The following IL7 variants were observed in gnomAD, a reference collection of about 807,000 sequenced individuals.
IL7 encodes interleukin-7.
In IL7, 3 loss-of-function variants were observed where a neutral mutation model predicts 21.6. The observed-to-expected ratio is 0.14, with a 90% CI of 0.06 to 0.36. The LOEUF (loss-of-function observed/expected upper bound fraction) is 0.36, where lower values mean the gene tolerates loss of function less well. Among genes scored for constraint, IL7 ranks in the 10% least tolerant of loss-of-function variants. The probability of loss-of-function intolerance (pLI) is 1.00; values close to 1 mark genes in which losing one functional copy is unlikely to be tolerated. For synonymous variants in IL7, 62 were observed against 68.1 expected, an observed-to-expected ratio of 0.91 and a Z score of 0.44; for missense variants, 175 against 200.2, an observed-to-expected ratio of 0.87 and a Z score of 0.76.
intron 3 of IL7, among the ~76,000 whole-genome samples, chr8:78,699,229 T>C (rs1810524193): frequency 6.6e-6 from 1 of 152,166 alleles, no homozygotes; most frequent in South Asian, 2.1e-4. Flanking sequence ...TCTACTGTTA[T>C]ATTTACATGG....
intron 2 of IL7, among the ~76,000 whole-genome samples, chr8:78,753,133 T>C (rs1812230564): frequency 6.6e-6 from 1 of 152,202 alleles, no homozygotes; most frequent in Non-Finnish European, 1.5e-5. Context: ...GTATTTATAG[T>C]TCTAGATCCT....
chr8:78,698,770 A>G (rs1187020583), intron 3 of IL7, among the ~76,000 whole-genome samples: 2 of 152,190 alleles, frequency 1.3e-5, no homozygotes, highest in African/African-American at 4.8e-5. Flanking sequence ...ATTTAGTCTA[A>G]GGAAATAATT....
intron 2 of IL7, among the ~76,000 whole-genome samples, chr8:78,772,440 A>T (rs1297256673): frequency 1.3e-5 from 2 of 152,190 alleles, no homozygotes; most frequent in African/African-American, 4.8e-5. Flanking sequence ...CATAAAATAT[A>T]GAATGATACC....
intron 2 of IL7, among the ~76,000 whole-genome samples, chr8:78,785,298 G>C (rs1813471705): frequency 6.6e-6 from 1 of 151,886 alleles, no homozygotes; most frequent in African/African-American, 2.4e-5. Flanking sequence ...AATTTTCTTT[G>C]GTAGGAACAA....
intron 3 of IL7, among the ~76,000 whole-genome samples, chr8:78,712,564 A>G (rs909481607): frequency 6.6e-6 from 1 of 152,178 alleles, no homozygotes; most frequent in Non-Finnish European, 1.5e-5. Context: ...TTTCAATCCA[A>G]GGGTCCTTAG....
chr8:78,686,590 C>T, intron 3 of IL7: 1 of 1,524,932 alleles, frequency 6.6e-7, no homozygotes, highest in Non-Finnish European at 8.8e-7. Context: ...TCCTCCTCCT[C>T]CACCTTCTTA....
At chr8:78,735,577 G>C (rs1811564889) in intron 5 of IL7, among the ~76,000 whole-genome samples, 1 of 151,840 alleles carries the variant, frequency 6.6e-6, no homozygotes, top group South Asian at 2.1e-4. Flanking sequence ...CAAAGTGCTG[G>C]GATTACAGGC....
chr8:78,803,795 G>A (rs1814179186), intron 1 of IL7, among the ~76,000 whole-genome samples: 1 of 152,144 alleles, frequency 6.6e-6, no homozygotes, highest in African/African-American at 2.4e-5. Context: ...TTCCTTAGAA[G>A]TCCTCCATAA....
chr8:78,714,589 C>A (rs1006443328), downstream of IL7, among the ~76,000 whole-genome samples: 5 of 152,104 alleles, frequency 3.3e-5, no homozygotes, highest in Non-Finnish European at 7.4e-5. Flanking sequence ...GTTATATCAT[C>A]ATCATTTAGT....
At chr8:78,740,730 TA>T (rs757140859) in intron 2 of IL7, among the ~76,000 whole-genome samples, 6 of 152,210 alleles carry the variant, frequency 3.9e-5, no homozygotes, top group Non-Finnish European at 8.8e-5. Flanking sequence ...CAGTGAGAAT[TA>T]AGGTTGAAAT....
chr8:78,696,707 G>A (rs1810428510), intron 3 of IL7, among the ~76,000 whole-genome samples: 1 of 152,184 alleles, frequency 6.6e-6, no homozygotes, highest in Non-Finnish European at 1.5e-5. Context: ...GGATCGTGAA[G>A]CCAGAATTAG....
intron 2 of IL7, among the ~76,000 whole-genome samples, chr8:78,781,543 C>T (rs557641992): frequency 6.6e-6 from 1 of 152,110 alleles, no homozygotes; most frequent in Non-Finnish European, 1.5e-5. Context: ...TGAATATTGG[C>T]CCCCAATCTC....
chr8:78,736,658 G>T (rs564180437), intron 4 of IL7, 131 bp from the exon 5 acceptor site: 14 of 554,858 alleles, frequency 2.5e-5, no homozygotes, highest in Middle Eastern at 4.4e-4. Flanking sequence ...ATTTCTTATT[G>T]TTAAGAAAGT....
chr8:78,768,750 T>C (rs1371616849), intron 2 of IL7, among the ~76,000 whole-genome samples: 3 of 152,054 alleles, frequency 2.0e-5, no homozygotes. Context: ...TAGTTTCTTT[T>C]GCTGTGCAGA....
intron 2 of IL7, among the ~76,000 whole-genome samples, chr8:78,766,813 G>C (rs911536325): frequency 9.9e-5 from 15 of 152,142 alleles, no homozygotes; most frequent in African/African-American, 3.4e-4. Flanking sequence ...ATTAATGCTT[G>C]CATTTCTGTA....
At chr8:78,736,065 GGT>G (rs1219968114) in intron 5 of IL7, among the ~76,000 whole-genome samples, 1 of 150,644 alleles carries the variant, frequency 6.6e-6, no homozygotes, top group East Asian at 1.9e-4. Flanking sequence ...TAATAAAAGA[GGT>G]ATATATAAGA....
intron 2 of IL7, among the ~76,000 whole-genome samples, chr8:78,778,264 G>A (rs529520434): frequency 1.8e-4 from 27 of 151,970 alleles, no homozygotes; most frequent in Non-Finnish European, 3.5e-4. Context: ...GGCAGGATTC[G>A]AAGCTTTGAC....
At chr8:78,714,344 C>A (rs1277659475), downstream of IL7, among the ~76,000 whole-genome samples, 2 of 152,084 alleles carry the variant, frequency 1.3e-5, no homozygotes, top group African/African-American at 4.8e-5. Flanking sequence ...TAGAATTGTA[C>A]TTGACATGGA....
chr8:78,695,656 C>CTA (rs67856128), intron 3 of IL7, among the ~76,000 whole-genome samples: 2 of 151,994 alleles, frequency 1.3e-5, no homozygotes, highest in South Asian at 4.1e-4. Context: ...CTTTCTCTCT[C>CTA]TATATATATA....
Sources: gnomAD v4.1 joint callset for allele counts (sites outside exome capture counted in the v4.1 genomes callset) on GRCh38, gnomAD v4.1.1 for gene constraint, MANE v1.5 for transcripts, NCBI Gene and HGNC (gene_info 2026-07-23, HGNC 2026-07-21) for gene names.